LEO1: variants seen among roughly 807,000 people sequenced by gnomAD.
LEO1 encodes RNA polymerase-associated protein LEO1.
Under a neutral mutation model 80.4 loss-of-function variants are expected in LEO1, and 34 were observed. That is an observed-to-expected ratio of 0.42 (90% CI 0.32 to 0.56). The LOEUF (loss-of-function observed/expected upper bound fraction) is 0.56, where lower values mean the gene tolerates loss of function less well. Ranked by LOEUF, LEO1 falls within the 20% of genes least tolerant of loss-of-function variation. LEO1 has a pLI of 0.10. For synonymous variants in LEO1, 262 were observed against 274.9 expected, an observed-to-expected ratio of 0.95 and a Z score of 0.46; for missense variants, 631 against 814.2, an observed-to-expected ratio of 0.77 and a Z score of 2.74.
At position 51,966,243 on chromosome 15, in the gene LEO1, T is replaced by A; in HGVS notation, c.320A>T (p.His107Leu). The change falls in exon 2 of 12, where the codon CAC becomes CTC. Residue 107 changes from histidine (H) to leucine (L), a missense_variant. This residue lies in a region of LEO1 where 394 missense variants were observed against 395.6 expected (regional missense o/e 1.00). Coordinates refer to ENST00000299601, the MANE Select transcript of LEO1 (RefSeq NM_138792.4). ...EDNDPSDVDQ[H>L]SGSEAPNDDE... ...ATCATTAGGGGCTTCTGATCCACTG[T>A]GCTGATCTACATCTGAGGGGTCATT... is the stretch of plus-strand genomic sequence containing the variant. 26 of 1,614,036 alleles carry A rather than the reference T, an allele frequency of 1.6e-5. No individual in the cohort carries two copies. The highest frequency in any genetic ancestry group is 2.2e-5 in the Non-Finnish European group (26 of 1,180,026).
chr15:51,952,063 C>T (rs1421435982), intron 8 of LEO1, 84 bp from the exon 9 acceptor site: 5 of 1,223,198 alleles, frequency 4.1e-6, no homozygotes, highest in Non-Finnish European at 4.6e-6. Context: ...GAAGTAAGAG[C>T]CCAGTGACCA....
chr15:51,945,600 T>G (rs2056893644), intron 11 of LEO1, among the ~76,000 whole-genome samples: 1 of 152,204 alleles, frequency 6.6e-6, no homozygotes, highest in African/African-American at 2.4e-5. Context: ...CCTGCATAAT[T>G]TGTCTCCTTA....
chr15:51,969,197 G>A (rs1251094646), intron 1 of LEO1, among the ~76,000 whole-genome samples: 1 of 151,926 alleles, frequency 6.6e-6, no homozygotes, highest in East Asian at 2.0e-4. Context: ...GACCTCAGGT[G>A]ATCCACCCAC....
Position 51,958,811 on chromosome 15 carries a change from C to G in LEO1, c.1176G>C (p.Gln392His), listed in dbSNP as rs767709226. The G allele has an allele frequency of 6.3e-7, 1 of 1,579,284 alleles. No individual in the cohort carries two copies. Among genetic ancestry groups the G allele is most frequent in the South Asian group, 1.2e-5 (1 of 86,724 alleles). The change falls in exon 6 of 12, where the codon CAG becomes CAC. Residue 392 changes from glutamine to histidine, a missense_variant. Coordinates refer to ENST00000299601, the MANE Select transcript of LEO1 (RefSeq NM_138792.4). ...LSVEPRPFDP[Q>H]YYEDEFEDEE... is the part of the protein sequence containing the mutation. ...CATCTTCAAATTCATCTTCATAATACTGAGGATCAAAAGGTCTACAAATTG... is the reference window on the plus strand; with the variant it reads ...CATCTTCAAATTCATCTTCATAATAGTGAGGATCAAAAGGTCTACAAATTG...
chr15:51,966,502 A>G lies in LEO1; in HGVS notation c.61T>C (p.Ser21Pro). The change falls in exon 2 of 12, where the codon TCT becomes CCT. Residue 21 changes from serine (S) to proline (P), a missense_variant and splice_region_variant. Physicochemically the swap from Ser to Pro is moderately conservative, Grantham distance 74 (BLOSUM62 -1). Coordinates refer to ENST00000299601, the MANE Select transcript of LEO1 (RefSeq NM_138792.4). ...DADSEAERKD[S>P]DSGSDSDSDQ... is the part of the protein sequence containing the mutation. ...GAATCTGAGTCAGATCCAGAATCAG[A>G]ATCTATGGGGTCATATAAACATAGG... 1 of 1,552,784 alleles carries G rather than the reference A, an allele frequency of 6.4e-7. No homozygotes were observed. Among genetic ancestry groups the G allele is most frequent in the Non-Finnish European group, 8.9e-7 (1 of 1,128,148 alleles).
At chr15:51,952,032 G>A (rs1342467511) in intron 8 of LEO1, 53 bp from the exon 9 acceptor site, 1 of 1,528,204 alleles carries the variant, frequency 6.5e-7, no homozygotes, top group African/African-American at 1.4e-5. Context: ...ACATTTGTGA[G>A]CCAGTGATAC....
intron 3 of LEO1, among the ~76,000 whole-genome samples, chr15:51,962,038 C>T (rs2057035053): frequency 6.6e-6 from 1 of 151,922 alleles, no homozygotes; most frequent in African/African-American, 2.4e-5. Flanking sequence ...GTGGTACGTT[C>T]CTGTAATTCC....
intron 1 of LEO1, among the ~76,000 whole-genome samples, chr15:51,970,990 C>A (rs978877950): frequency 6.6e-6 from 1 of 152,108 alleles, no homozygotes; most frequent in Non-Finnish European, 1.5e-5. Context: ...CAATCCTGTG[C>A]CAGAAATAAC....
chr15:51,966,401 T>G lies in LEO1; in HGVS notation c.162A>C (p.Gly54=), dbSNP rs2057077930. ...CAAACAGTTCCTTATTACTTGGTTGTCCTGAATCACCTCTTTCATCCTGAT... is the reference window on the plus strand; with the variant it reads ...CAAACAGTTCCTTATTACTTGGTTGGCCTGAATCACCTCTTTCATCCTGAT... ...ESDQDERGDS[G]QPSNKELFGD... is the part of the protein sequence containing the mutation. The change falls in exon 2 of 12, where the codon GGA becomes GGC. Residue 54 remains glycine (G), a synonymous_variant. Coordinates refer to ENST00000299601, the MANE Select transcript of LEO1 (RefSeq NM_138792.4). 6.2e-7 allele frequency: 1 copy of G among 1,614,182 alleles called. No individual in the cohort carries two copies. Among genetic ancestry groups the G allele is most frequent in the Non-Finnish European group, 8.5e-7 (1 of 1,179,996 alleles).
At chr15:51,965,697 C>A in intron 2 of LEO1, 52 bp downstream of exon 2, 1 of 1,543,160 alleles carries the variant, frequency 6.5e-7, no homozygotes. Flanking sequence ...TGGGTCCCTG[C>A]TGTATCTGAA....
chr15:51,941,637 C>A (rs1429312387), intron 11 of LEO1, among the ~76,000 whole-genome samples: 1 of 152,138 alleles, frequency 6.6e-6, no homozygotes, highest in African/African-American at 2.4e-5. Flanking sequence ...TCTCCCCCTA[C>A]CTATTTATCT....
rs749192438 is a variant in LEO1, at chr15:51,971,690, T to C, written c.56A>G (p.Lys19Arg). The change falls in exon 1 of 12, where the codon AAA becomes AGA. Residue 19 changes from lysine (K) to arginine (R), a missense_variant and splice_region_variant. Coordinates refer to ENST00000299601, the MANE Select transcript of LEO1 (RefSeq NM_138792.4). ...CCTCCGAAGACCAGCGAACCCACCTTTACGCTCAGCTTCGCTGTCGGCGTC... is the reference window on the plus strand; with the variant it reads ...CCTCCGAAGACCAGCGAACCCACCTCTACGCTCAGCTTCGCTGTCGGCGTC... ...GSDADSEAER[K>R]DSDSGSDSDS... The C allele has an allele frequency of 6.2e-7, 1 of 1,614,136 alleles. No homozygotes were observed. The highest frequency in any genetic ancestry group is 8.5e-7 in the Non-Finnish European group (1 of 1,180,006).
intron 10 of LEO1, among the ~76,000 whole-genome samples, chr15:51,948,014 A>G (rs1011772074): frequency 2.0e-5 from 3 of 152,204 alleles, no homozygotes; most frequent in Non-Finnish European, 4.4e-5. Context: ...ACATTCTTCC[A>G]CCAGTAACAG....
chr15:51,949,420 C>T (rs540510776), intron 10 of LEO1, among the ~76,000 whole-genome samples: 1 of 152,270 alleles, frequency 6.6e-6, no homozygotes, highest in African/African-American at 2.4e-5. Flanking sequence ...AATGTCCGGG[C>T]TAGGCACAGT....
At chr15:51,959,740 A>C (rs548001978) in intron 5 of LEO1, among the ~76,000 whole-genome samples, 159 bp downstream of exon 5, 1 of 152,174 alleles carries the variant, frequency 6.6e-6, no homozygotes, top group Non-Finnish European at 1.5e-5. Context: ...TTACTAATAC[A>C]TATTTTTTCT....
intron 11 of LEO1, among the ~76,000 whole-genome samples, chr15:51,941,689 T>C (rs752892288): frequency 6.6e-6 from 1 of 152,246 alleles, no homozygotes; most frequent in South Asian, 2.1e-4. Context: ...TTTTAACTAC[T>C]TAAAAAAATG....
In LEO1 at chr15:51,953,042, CATCA is replaced by C. The variant is rs1334181521; in HGVS notation, c.1475+83_1475+86del. On this transcript the variant is annotated intron_variant, in intron 8 of 11. Coordinates refer to ENST00000299601, the MANE Select transcript of LEO1 (RefSeq NM_138792.4). ...CTTGCTGAATCATACCGTGGGGTTA[CATCA>C]ATCAGGTGGCAGGCATTACAGAAAC... 4 of 1,089,716 alleles carry C rather than the reference CATCA, an allele frequency of 3.7e-6. No individual in the cohort carries two copies. The South Asian group carries it at 5.9e-5, about 16-fold the overall frequency. 67.5% of individuals were successfully genotyped at this position (1,089,716 alleles called of 1,614,324 possible).
At chr15:51,944,419 A>G (rs2141745214) in intron 11 of LEO1, among the ~76,000 whole-genome samples, 1 of 152,356 alleles carries the variant, frequency 6.6e-6, no homozygotes, top group South Asian at 2.1e-4. Context: ...AAAATGTTTC[A>G]AGAGGGTAAA....
intron 9 of LEO1, 138 bp downstream of exon 9, chr15:51,951,706 A>T (rs1045510553): frequency 2.9e-6 from 2 of 701,030 alleles, no homozygotes; most frequent in Admixed American, 2.7e-5. Context: ...ATGCTGAGGA[A>T]ATGAATCCAG....
Sources: allele counts gnomAD v4.1 joint callset (sites outside exome capture counted in the v4.1 genomes callset), GRCh38; gene constraint gnomAD v4.1.1; regional missense constraint gnomAD v4.1.1; transcripts MANE v1.5; gene names NCBI Gene and HGNC (gene_info 2026-07-23, HGNC 2026-07-21).